Variants in CACNA2D2 observed in about 807,000 individuals in gnomAD.
CACNA2D2 encodes the protein voltage-dependent calcium channel subunit alpha-2/delta-2.
Under a neutral mutation model 166.4 loss-of-function variants are expected in CACNA2D2, and 48 were observed. The observed-to-expected ratio is 0.29, with a 90% CI of 0.23 to 0.37. CACNA2D2 has a LOEUF of 0.37. Ranked by LOEUF, CACNA2D2 falls within the 10% of genes least tolerant of loss-of-function variation. The probability of loss-of-function intolerance (pLI) is 1.00; values close to 1 mark genes in which losing one functional copy is unlikely to be tolerated. For missense variants in CACNA2D2, 1,122 were observed against 1,433.0 expected (o/e 0.78, Z 3.50); for synonymous variants, 561 against 573.7 (o/e 0.98, Z 0.32).
At chr3:50,369,415 A>G (rs1471277545) in intron 23 of CACNA2D2, among the ~76,000 whole-genome samples, 1 of 152,188 alleles carries the variant, frequency 6.6e-6, no homozygotes, top group African/African-American at 2.4e-5. Context: ...ATTCACTAAC[A>G]CACAGAGCCA....
intron 2 of CACNA2D2, among the ~76,000 whole-genome samples, chr3:50,446,480 C>T: frequency 6.6e-6 from 1 of 152,200 alleles, no homozygotes; most frequent in East Asian, 1.9e-4. Flanking sequence ...CAGCTGTCTC[C>T]AGCCTGTGGG....
intron 1 of CACNA2D2, among the ~76,000 whole-genome samples, chr3:50,481,456 G>A (rs147868876): frequency 3.3e-5 from 5 of 152,244 alleles, no homozygotes; most frequent in Admixed American, 2.0e-4. Context: ...CAGTTCAGCC[G>A]CTGCGCTTCG....
intron 2 of CACNA2D2, among the ~76,000 whole-genome samples, chr3:50,471,167 G>A (rs1275479318): frequency 6.6e-6 from 1 of 152,074 alleles, no homozygotes; most frequent in Non-Finnish European, 1.5e-5. Flanking sequence ...AGGGGTGGAG[G>A]CTGCGTGATG....
At chr3:50,494,942 C>T (rs1029012970) in intron 1 of CACNA2D2, among the ~76,000 whole-genome samples, 50 of 152,204 alleles carry the variant, frequency 3.3e-4, no homozygotes, top group African/African-American at 1.2e-3. Flanking sequence ...TCCTAAAGTG[C>T]TGGGAGTACA....
chr3:50,440,378 C>A (rs11928538), intron 2 of CACNA2D2, among the ~76,000 whole-genome samples: 2,364 of 152,390 alleles, frequency 0.016, 39 homozygotes, highest in Middle Eastern at 0.082. Flanking sequence ...TTTTTGCCAA[C>A]TGCCATGTTA....
intron 3 of CACNA2D2, among the ~76,000 whole-genome samples, chr3:50,433,357 T>C (rs142701667): frequency 9.9e-5 from 15 of 151,976 alleles, no homozygotes; most frequent in African/African-American, 3.1e-4. Context: ...GTTTTTTTTG[T>C]TGTTTGTTTT....
At chr3:50,386,053 A>G (rs1466639618) in intron 5 of CACNA2D2, among the ~76,000 whole-genome samples, 1 of 152,210 alleles carries the variant, frequency 6.6e-6, no homozygotes, top group Non-Finnish European at 1.5e-5. Context: ...GATTAAAAAA[A>G]CAAAACAACA....
At chr3:50,421,812 A>G (rs776851315) in intron 3 of CACNA2D2, among the ~76,000 whole-genome samples, 8 of 152,180 alleles carry the variant, frequency 5.3e-5, no homozygotes, top group Non-Finnish European at 7.4e-5. Context: ...CCAGGACCCC[A>G]GGATGTGAGT....
chr3:50,395,073 C>A (rs1270377446), intron 3 of CACNA2D2, among the ~76,000 whole-genome samples: 1 of 152,194 alleles, frequency 6.6e-6, no homozygotes, highest in Non-Finnish European at 1.5e-5. Flanking sequence ...AACCTTGGGG[C>A]TCCCAAGGAT....
intron 3 of CACNA2D2, among the ~76,000 whole-genome samples, chr3:50,413,763 CTTGACT>C (rs1707139302): frequency 6.6e-6 from 1 of 152,176 alleles, no homozygotes; most frequent in Admixed American, 6.5e-5. Context: ...AGGAGAGTCA[CTTGACT>C]TTGGGAGGCA....
intron 3 of CACNA2D2, among the ~76,000 whole-genome samples, chr3:50,423,456 C>T (rs1707666903): frequency 6.6e-6 from 1 of 152,226 alleles, no homozygotes; most frequent in Non-Finnish European, 1.5e-5. Flanking sequence ...CTAAGTCCCA[C>T]CCCATTGCCT....
chr3:50,471,819 A>G (rs1324650517), intron 2 of CACNA2D2, among the ~76,000 whole-genome samples: 1 of 152,192 alleles, frequency 6.6e-6, no homozygotes, highest in East Asian at 1.9e-4. Flanking sequence ...TTAATTACAC[A>G]TTCCTGAGGA....
intron 2 of CACNA2D2, among the ~76,000 whole-genome samples, chr3:50,462,592 A>G (rs1709640251): frequency 6.6e-6 from 1 of 151,994 alleles, no homozygotes; most frequent in African/African-American, 2.4e-5. Flanking sequence ...GTTATGCACA[A>G]AAGGGCGAGG....
Position 50,363,436 on chromosome 3 carries a change from A to G in CACNA2D2, c.*1230T>C. On this transcript the variant is annotated 3_prime_UTR_variant, in exon 38 of 38. Transcript: ENST00000424201. ...CCTTTGGGGGAAATGACCAGAATGA[A>G]TGGTGTGAAGAGCTGTGCCCAGTCC... 1 of 387,640 alleles carries G rather than the reference A, an allele frequency of 2.6e-6. No individual in the cohort carries two copies. Among genetic ancestry groups the G allele is most frequent in the East Asian group, 3.8e-5 (1 of 26,408 alleles). 24.0% of individuals were successfully genotyped at this position (387,640 alleles called of 1,614,324 possible). A position where few individuals can be genotyped will look rare whatever the true frequency, so the allele number is the denominator to read the frequency against.
chr3:50,402,489 C>T (rs898661053), intron 3 of CACNA2D2, among the ~76,000 whole-genome samples: 3 of 152,182 alleles, frequency 2.0e-5, no homozygotes, highest in African/African-American at 7.2e-5. Context: ...AGAGATGCCC[C>T]AATGAGAAAT....
rs1031675534 is a variant in CACNA2D2, at chr3:50,376,456, T to C, written c.1627-268A>G. On this transcript the variant is annotated intron_variant, in intron 17 of 37. Coordinates refer to ENST00000424201, the MANE Select transcript of CACNA2D2 (RefSeq NM_006030.4). The surrounding 1 kb of genome is among the most constrained non-coding windows in gnomAD (Gnocchi z 4.3). ...CCTCATCCTCTCCCCCTGGTTCTCATGAGCTGTCAGTTGTCCTGACCTCTC... is the reference window on the plus strand; with the variant it reads ...CCTCATCCTCTCCCCCTGGTTCTCACGAGCTGTCAGTTGTCCTGACCTCTC... Among the ~76,000 whole-genome samples, 3 of 152,270 alleles carry C rather than the reference T, an allele frequency of 2.0e-5. No homozygotes were observed. The highest frequency in any genetic ancestry group is 7.2e-5 in the African/African-American group (3 of 41,546).
At chr3:50,460,893 G>A (rs761864088) in intron 2 of CACNA2D2, among the ~76,000 whole-genome samples, 1 of 151,976 alleles carries the variant, frequency 6.6e-6, no homozygotes, top group Non-Finnish European at 1.5e-5. Flanking sequence ...AGACATCCTG[G>A]AAATTTAAAA....
chr3:50,442,620 G>A (rs183296721), intron 2 of CACNA2D2, among the ~76,000 whole-genome samples: 4 of 152,322 alleles, frequency 2.6e-5, no homozygotes, highest in Middle Eastern at 3.4e-3. Flanking sequence ...TCACAGAGCA[G>A]AGAATCTGAG....
chr3:50,480,760 G>C (rs374748156), intron 1 of CACNA2D2, among the ~76,000 whole-genome samples: 2 of 124,924 alleles, frequency 1.6e-5, no homozygotes, highest in African/African-American at 6.6e-5. Context: ...AAACTGCATC[G>C]CATTCAGGTG....
Sources: gnomAD v4.1 joint callset for allele counts (sites outside exome capture counted in the v4.1 genomes callset) on GRCh38, gnomAD v4.1.1 for gene constraint, Gnocchi (gnomAD v3.1) non-coding constraint, MANE v1.5 for transcripts, NCBI Gene and HGNC (gene_info 2026-07-23, HGNC 2026-07-21) for gene names.